Variants in BRCA1 observed in about 807,000 individuals in gnomAD.
BRCA1 encodes breast cancer type 1 susceptibility protein.
A neutral mutation model predicts 173.7 loss-of-function variants in BRCA1; 140 were observed. The observed-to-expected ratio is 0.81, with a 90% confidence interval of 0.70 to 0.93. The LOEUF is 0.93. Ranked by LOEUF, BRCA1 falls within the 40% of genes least tolerant of loss-of-function variation. BRCA1 has a pLI of 0.00. For synonymous variants in BRCA1, 662 were observed against 756.0 expected (o/e 0.88, Z 2.04); for missense variants, 1,983 against 2,172.5 (o/e 0.91, Z 1.73).
At chr17:43,048,440 C>G (rs538109895) in intron 21 of BRCA1, among the ~76,000 whole-genome samples, 1 of 151,482 alleles carries the variant, frequency 6.6e-6, no homozygotes, top group African/African-American at 2.4e-5. Context: ...CTCTTGACCT[C>G]GTGATCTGCC....
intron 1 of BRCA1, among the ~76,000 whole-genome samples, chr17:43,147,812 G>GT (rs1474554796): frequency 9.8e-6 from 1 of 101,944 alleles, no homozygotes; most frequent in Non-Finnish European, 1.7e-5. Context: ...GGAGATGAGT[G>GT]CCCTCTCCAA....
intron 1 of BRCA1, among the ~76,000 whole-genome samples, chr17:43,169,239 C>T (rs535231892): frequency 6.6e-6 from 1 of 152,276 alleles, no homozygotes; most frequent in Admixed American, 6.5e-5. Context: ...AGTGCAATGG[C>T]GCGATCTCGG....
At chr17:43,056,054 C>T (rs1333376916) in intron 19 of BRCA1, among the ~76,000 whole-genome samples, 1 of 152,144 alleles carries the variant, frequency 6.6e-6, no homozygotes, top group Non-Finnish European at 1.5e-5. Flanking sequence ...CTCTCTGAGC[C>T]TCAATTTTCA....
rs558055879 is a variant in BRCA1, at chr17:43,100,719, G to A, written c.442-839C>T. On this transcript the variant is annotated intron_variant, in intron 6 of 22. Coordinates refer to ENST00000357654, the MANE Select transcript of BRCA1 (RefSeq NM_007294.4). Reference sequence around the variant, plus strand: ...TATATATATGTAATCCCAGCACTTTGGGATATATGTGTATATATGTTTTTT... The same window carrying A: ...TATATATATGTAATCCCAGCACTTTAGGATATATGTGTATATATGTTTTTT... 1.7e-4 allele frequency among the ~76,000 whole-genome samples: 12 copies of A among 72,440 alleles called. 1 individual carries two copies. Among genetic ancestry groups the A allele is most frequent in the African/African-American group, 5.2e-4 (12 of 23,062 alleles). The allele number at this position is 72,440 out of a possible 152,430, so 47.5% of individuals were successfully genotyped here.
At chr17:43,146,482 G>A (rs4793210) in intron 1 of BRCA1, among the ~76,000 whole-genome samples, 45,260 of 150,784 alleles carry the variant, frequency 0.3, 7,311 homozygotes, top group South Asian at 0.49. Context: ...CTAATTTTTC[G>A]TATTTTTAGT....
At chr17:43,078,844 T>C (rs1170101452) in intron 12 of BRCA1, among the ~76,000 whole-genome samples, 2 of 152,154 alleles carry the variant, frequency 1.3e-5, no homozygotes, top group African/African-American at 4.8e-5. Context: ...AGGGTGATAA[T>C]TGATAAAGGG....
intron 12 of BRCA1, chr17:43,079,807 C>T: frequency 1.3e-6 from 1 of 752,210 alleles, no homozygotes; most frequent in Non-Finnish European, 2.3e-6. Flanking sequence ...AAAAAAAAGA[C>T]CTTTGGACTG....
intron 1 of BRCA1, among the ~76,000 whole-genome samples, chr17:43,155,479 C>T (rs2056191060): frequency 6.6e-6 from 1 of 152,132 alleles, no homozygotes; most frequent in Non-Finnish European, 1.5e-5. Context: ...AGTCTTCCTG[C>T]TTTGGCTTCC....
Position 43,071,013 on chromosome 17 carries a change from C to T in BRCA1, c.4901G>A (p.Arg1634Lys), listed in dbSNP as rs1489040931. Residue 1634 changes from arginine to lysine, a missense_variant, in exon 15 of 23, where the codon AGG (arginine) becomes AAG (lysine). Arg to Lys is a conservative substitution (Grantham distance 26, BLOSUM62 2). Transcript: ENST00000357654. ...TGAAGCTGTCAATTCTGGCTTCTCC[C>T]TGCTCACACTTTCTTCCATTGCATT... ...GYNAMEESVSREKPELTASTE... is the reference protein window; with the variant it reads ...GYNAMEESVSKEKPELTASTE... The T allele has an allele frequency of 6.2e-7, 1 of 1,614,228 alleles. No homozygotes were observed.
rs776177740 is a variant in BRCA1, at chr17:43,124,124, C to T, written c.-19-9G>A. The T allele has an allele frequency of 1.3e-6, 2 of 1,491,086 alleles. No individual in the cohort carries two copies. The highest frequency in any genetic ancestry group is 2.3e-5 in the South Asian group (2 of 88,162). 92.4% of individuals were successfully genotyped at this position (1,491,086 alleles called of 1,614,324 possible). ...CTTTCTGTTCCAATGAACTTTAACA[C>T]ATTAGAAAAACATATATATATATCT... On this transcript the variant is annotated splice_polypyrimidine_tract_variant and intron_variant, in intron 1 of 22. Coordinates refer to ENST00000357654, the MANE Select transcript of BRCA1 (RefSeq NM_007294.4).
intron 18 of BRCA1, 91 bp from the exon 19 acceptor site, chr17:43,057,226 C>T (rs2153412901): frequency 7.7e-7 from 1 of 1,296,206 alleles, no homozygotes; most frequent in Non-Finnish European, 1.1e-6. Flanking sequence ...TTAAGGCATT[C>T]AGGCCAGGCG....
intron 1 of BRCA1, among the ~76,000 whole-genome samples, chr17:43,143,655 G>T (rs79338846): frequency 6.6e-6 from 1 of 151,276 alleles, no homozygotes. Flanking sequence ...CTTTTTTTTT[G>T]AAGATGGAGT....
chr17:43,086,252 T>C (rs2053228168), intron 11 of BRCA1, among the ~76,000 whole-genome samples: 1 of 152,026 alleles, frequency 6.6e-6, no homozygotes, highest in South Asian at 2.1e-4. Context: ...CACATGACCT[T>C]GATAGGAGGA....
chr17:43,104,071 A>ATT (rs1567809791), intron 6 of BRCA1, 51 bp downstream of exon 6: 1 of 1,439,418 alleles, frequency 6.9e-7, no homozygotes, highest in Admixed American at 2.2e-5. Flanking sequence ...AAAAAAAAAG[A>ATT]AAAAAAAAAG....
chr17:43,100,401 G>A (rs1038336477), intron 6 of BRCA1, among the ~76,000 whole-genome samples: 1 of 148,268 alleles, frequency 6.7e-6, no homozygotes, highest in Non-Finnish European at 1.5e-5. Flanking sequence ...GAGTGCAGTG[G>A]CGCAATCTCA....
At chr17:43,099,485 G>A (rs2054277319) in intron 7 of BRCA1, among the ~76,000 whole-genome samples, 1 of 151,618 alleles carries the variant, frequency 6.6e-6, no homozygotes, top group African/African-American at 2.4e-5. Flanking sequence ...TGGCTAGGCT[G>A]GTCTCGAACT....
At chr17:43,051,811 A>AT (rs1422133387) in intron 19 of BRCA1, among the ~76,000 whole-genome samples, 2 of 151,634 alleles carry the variant, frequency 1.3e-5, no homozygotes, top group Non-Finnish European at 2.9e-5. Context: ...TAATTTTTGT[A>AT]TTTTTAGTAG....
In BRCA1 at chr17:43,071,133, G is replaced by C. The variant is rs1301724072; in HGVS notation, c.4781C>G (p.Pro1594Arg). Residue 1594 changes from proline to arginine, a missense_variant, in exon 15 of 23, where the codon CCA (proline) becomes CGA (arginine). Transcript: ENST00000357654. Reference protein sequence around the residue: ...APESARVGNIPSSTSALKVPQ... With the variant: ...APESARVGNIRSSTSALKVPQ... ...AACTTTCAATGCAGAGGTTGAAGATGGTATGTTGCCAACACGAGCTGACTC... is the reference window on the plus strand; with the variant it reads ...AACTTTCAATGCAGAGGTTGAAGATCGTATGTTGCCAACACGAGCTGACTC... 6.2e-7 allele frequency: 1 copy of C among 1,614,204 alleles called. No homozygotes were observed. Among genetic ancestry groups the C allele is most frequent in the Admixed American group, 1.7e-5 (1 of 60,018 alleles).
At position 43,092,215 on chromosome 17, in the gene BRCA1, G is replaced by T. The variant is rs45599040; in HGVS notation, c.3316C>A (p.Pro1106Thr). Reference protein sequence around the residue: ...QSLPGSNCKHPEIKKQEYEEV... With the variant: ...QSLPGSNCKHTEIKKQEYEEV... ...TCATATTCTTGCTTTTTTATTTCAG[G>T]ATGCTTACAATTACTTCCAGGAAGA... is the stretch of plus-strand genomic sequence containing the variant. Residue 1106 changes from proline (P) to threonine (T), a missense_variant, in exon 10 of 23, where the codon CCT (proline) becomes ACT (threonine). Coordinates refer to ENST00000357654, the MANE Select transcript of BRCA1 (RefSeq NM_007294.4). The T allele has an allele frequency of 6.2e-7, 1 of 1,613,228 alleles. No homozygotes were observed. Among genetic ancestry groups the T allele is most frequent in the South Asian group, 1.1e-5 (1 of 91,076 alleles).
Sources: gnomAD v4.1 joint callset for allele counts (sites outside exome capture counted in the v4.1 genomes callset) on GRCh38, gnomAD v4.1.1 for gene constraint, MANE v1.5 for transcripts, NCBI Gene and HGNC (gene_info 2026-07-23, HGNC 2026-07-21) for gene names.